IKZF3: variants seen among roughly 807,000 people sequenced by gnomAD.
IKZF3 encodes the protein zinc finger protein Aiolos.
Under a neutral mutation model 49.0 loss-of-function variants are expected in IKZF3, and 10 were observed. The observed-to-expected ratio is 0.20, with a 90% confidence interval of 0.13 to 0.35. The LOEUF is 0.35. IKZF3 is among the 10% of genes least tolerant of loss of function. The pLI, the probability that IKZF3 is intolerant of heterozygous loss-of-function variation, is 1.00. For missense variants in IKZF3, 498 were observed against 664.8 expected (o/e 0.75, Z 2.76); for synonymous variants, 209 against 228.2 (o/e 0.92, Z 0.76).
intron 3 of IKZF3, among the ~76,000 whole-genome samples, chr17:39,798,435 T>C (rs1217449840): frequency 1.3e-5 from 2 of 152,142 alleles, no homozygotes; most frequent in African/African-American, 2.4e-5. Context: ...AGCTTCTAAG[T>C]AGTCTTATTT....
At chr17:39,853,061 C>T (rs2062927431) in intron 1 of IKZF3, among the ~76,000 whole-genome samples, 1 of 152,152 alleles carries the variant, frequency 6.6e-6, no homozygotes, top group African/African-American at 2.4e-5. Flanking sequence ...AGGAGAGGTC[C>T]CTGACCCTGC....
intron 7 of IKZF3, among the ~76,000 whole-genome samples, chr17:39,766,759 T>G (rs2060304215): frequency 6.6e-6 from 1 of 152,024 alleles, no homozygotes; most frequent in African/African-American, 2.4e-5. Context: ...GTATGCCCAC[T>G]GTGCATGTTA....
At chr17:39,766,955 C>T (rs1246786860) in intron 7 of IKZF3, among the ~76,000 whole-genome samples, 2 of 152,036 alleles carry the variant, frequency 1.3e-5, no homozygotes, top group South Asian at 2.1e-4. Context: ...ATTAGGTAGC[C>T]AGGGGGACAG....
chr17:39,766,778 C>A (rs1349627033), intron 7 of IKZF3, among the ~76,000 whole-genome samples: 1 of 152,038 alleles, frequency 6.6e-6, no homozygotes, highest in African/African-American at 2.4e-5. Context: ...TAGAGGAGAG[C>A]CCTCAAGAAA....
intron 2 of IKZF3, among the ~76,000 whole-genome samples, chr17:39,831,503 C>T (rs1484262087): frequency 2.6e-5 from 4 of 152,028 alleles, no homozygotes; most frequent in African/African-American, 9.7e-5. Flanking sequence ...CAATGGAGGA[C>T]ACAGAAGTTA....
intron 7 of IKZF3, among the ~76,000 whole-genome samples, chr17:39,766,706 A>C (rs913814122): frequency 5.3e-5 from 8 of 152,188 alleles, no homozygotes; most frequent in Admixed American, 5.2e-4. Context: ...AGCAGGCAGA[A>C]GAGAGGGGCA....
At chr17:39,834,489 T>A (rs1180971807) in intron 1 of IKZF3, among the ~76,000 whole-genome samples, 1 of 152,240 alleles carries the variant, frequency 6.6e-6, no homozygotes, top group Non-Finnish European at 1.5e-5. Context: ...TCTTCTGTGA[T>A]CCACTGGTTA....
At chr17:39,816,645 C>A (rs755977678) in intron 3 of IKZF3, among the ~76,000 whole-genome samples, 1 of 152,232 alleles carries the variant, frequency 6.6e-6, no homozygotes, top group Non-Finnish European at 1.5e-5. Context: ...TGGGAATATA[C>A]TGTAAAAAAT....
chr17:39,773,311 C>T (rs534454324), intron 7 of IKZF3, among the ~76,000 whole-genome samples: 2 of 152,336 alleles, frequency 1.3e-5, no homozygotes, highest in Non-Finnish European at 1.5e-5. Context: ...GGTAAAAGAG[C>T]CTCACTGGTG....
chr17:39,847,640 G>T (rs1469303516), intron 1 of IKZF3, among the ~76,000 whole-genome samples: 2 of 152,042 alleles, frequency 1.3e-5, no homozygotes, highest in East Asian at 3.9e-4. Flanking sequence ...GTTTGCCTGT[G>T]GCTCTCCAAA....
rs1389765144 is a variant in IKZF3 at position 39,763,118 on chromosome 17, G to A, written c.*2672C>T. 6.6e-6 allele frequency: 1 copy of A among 152,132 alleles called. No individual in the cohort carries two copies. Among genetic ancestry groups the A allele is most frequent in the African/African-American group, 2.4e-5 (1 of 41,426 alleles). The allele number at this position is 152,132 out of a possible 1,614,324, so 9.4% of individuals were successfully genotyped here. ...GGCATAGCTTGGAGTCTAGTATTAC[G>A]GAAATACAGTGATATACTGAAGACT... is the stretch of plus-strand genomic sequence containing the variant. On this transcript the variant is annotated 3_prime_UTR_variant, in exon 8 of 8. Transcript: ENST00000346872.
chr17:39,793,459 C>T (rs576549451), intron 3 of IKZF3, among the ~76,000 whole-genome samples: 9 of 152,178 alleles, frequency 5.9e-5, no homozygotes, highest in Non-Finnish European at 8.8e-5. Flanking sequence ...TCCCCTTCCA[C>T]GTATATGAAT....
intron 1 of IKZF3, chr17:39,835,400 C>A: frequency 2.1e-6 from 1 of 472,238 alleles, no homozygotes; most frequent in Admixed American, 2.3e-5. Context: ...CACACATACA[C>A]AATGGCGGCC....
chr17:39,822,492 G>T (rs796857347), intron 3 of IKZF3, among the ~76,000 whole-genome samples: 6 of 151,776 alleles, frequency 4.0e-5, no homozygotes, highest in African/African-American at 1.5e-4. Flanking sequence ...ATGATTGTAA[G>T]TTTCCTGAGG....
intron 3 of IKZF3, among the ~76,000 whole-genome samples, chr17:39,803,202 T>A (rs145846150): frequency 8.2e-4 from 125 of 152,324 alleles, no homozygotes; most frequent in African/African-American, 2.8e-3. Context: ...GGCCATGATG[T>A]ATGAAAGGTC....
rs1320541342 is a variant in IKZF3 at position 39,807,526 on chromosome 17, G to A, written c.164-14593C>T. The stretch of plus-strand genomic sequence containing the variant: ...CAATCCTCCCACCTCAGTCTCCTGA[G>A]TAGCTGGGACTATTTAAATTTTTTT... On this transcript the variant is annotated intron_variant, in intron 3 of 7. Transcript: ENST00000346872. Among the ~76,000 whole-genome samples, 7 of 143,410 alleles carry A rather than the reference G, an allele frequency of 4.9e-5. No homozygotes were observed. The South Asian group carries it at 1.6e-3, about 33-fold the overall frequency. 94.1% of individuals were successfully genotyped at this position (143,410 alleles called of 152,430 possible).
At chr17:39,832,172 A>C (rs199688039) in intron 1 of IKZF3, 21 bp from the exon 2 acceptor site, 35 of 1,575,366 alleles carry the variant, frequency 2.2e-5, no homozygotes, top group Non-Finnish European at 3.0e-5. Context: ...AGAGGTTATA[A>C]ATATTAGCTA....
chr17:39,842,594 T>TA (rs2144412994), intron 1 of IKZF3, among the ~76,000 whole-genome samples: 1 of 152,288 alleles, frequency 6.6e-6, no homozygotes, highest in South Asian at 2.1e-4. Flanking sequence ...ATAATAGTAT[T>TA]AGACTATAAC....
At chr17:39,861,252 T>C (rs2063207454) in intron 1 of IKZF3, among the ~76,000 whole-genome samples, 1 of 152,118 alleles carries the variant, frequency 6.6e-6, no homozygotes, top group Non-Finnish European at 1.5e-5. Context: ...GGTAGAAGTA[T>C]ACACAGAAAG....
Sources: gnomAD v4.1 joint callset for allele counts (sites outside exome capture counted in the v4.1 genomes callset) on GRCh38, gnomAD v4.1.1 for gene constraint, MANE v1.5 for transcripts, NCBI Gene and HGNC (gene_info 2026-07-23, HGNC 2026-07-21) for gene names.